The following KCNQ5 variants were observed in gnomAD, a reference collection of about 807,000 sequenced individuals.
KCNQ5 encodes the protein potassium voltage-gated channel subfamily Q member 5.
In KCNQ5, 30 loss-of-function variants were observed where a neutral mutation model predicts 98.2. The observed-to-expected ratio is 0.31, with a 90% CI of 0.23 to 0.41. The LOEUF is 0.41. Among genes scored for constraint, KCNQ5 ranks in the 10% least tolerant of loss-of-function variants. The probability of loss-of-function intolerance (pLI) is 1.00; values close to 1 mark genes in which losing one functional copy is unlikely to be tolerated. For synonymous variants in KCNQ5, 458 were observed against 449.4 expected (o/e 1.02, Z -0.24); for missense variants, 835 against 1,182.5 (o/e 0.71, Z 4.31).
intron 1 of KCNQ5, among the ~76,000 whole-genome samples, chr6:72,731,443 T>G (rs1216040592): frequency 6.6e-6 from 1 of 152,256 alleles, no homozygotes; most frequent in Admixed American, 6.5e-5. Context: ...TTTTCTCTCA[T>G]GTAAATGAGT....
intron 1 of KCNQ5, among the ~76,000 whole-genome samples, chr6:72,815,712 A>T (rs1775476821): frequency 6.6e-6 from 1 of 152,188 alleles, no homozygotes; most frequent in African/African-American, 2.4e-5. Flanking sequence ...CAGCTTAACT[A>T]TTGGGCAGTG....
At chr6:72,957,609 G>T (rs1205225086) in intron 1 of KCNQ5, among the ~76,000 whole-genome samples, 2 of 152,130 alleles carry the variant, frequency 1.3e-5, no homozygotes, top group Admixed American at 6.5e-5. Flanking sequence ...AGAACGGAGA[G>T]CCACTGGTCA....
chr6:73,171,057 A>G (rs796639446), intron 11 of KCNQ5, among the ~76,000 whole-genome samples: 39 of 152,346 alleles, frequency 2.6e-4, no homozygotes, highest in African/African-American at 9.1e-4. Context: ...ATTTGGCATC[A>G]TGTTAGACAT....
chr6:72,925,575 A>G (rs1765375606), intron 1 of KCNQ5, among the ~76,000 whole-genome samples: 1 of 152,202 alleles, frequency 6.6e-6, no homozygotes, highest in Non-Finnish European at 1.5e-5. Context: ...AGTATATAAT[A>G]CACTGGGGAT....
chr6:72,870,290 T>C (rs1778149921), intron 1 of KCNQ5, among the ~76,000 whole-genome samples: 1 of 152,126 alleles, frequency 6.6e-6, no homozygotes, highest in Non-Finnish European at 1.5e-5. Context: ...TTGTTTTGTT[T>C]TGGAGACAAG....
At chr6:73,128,836 A>T (rs891822078) in intron 9 of KCNQ5, among the ~76,000 whole-genome samples, 1 of 152,116 alleles carries the variant, frequency 6.6e-6, no homozygotes, top group Non-Finnish European at 1.5e-5. Context: ...GGCAAAAATG[A>T]TATTTTTATA....
At chr6:72,960,829 C>T (rs933954379) in intron 1 of KCNQ5, among the ~76,000 whole-genome samples, 4 of 152,236 alleles carry the variant, frequency 2.6e-5, no homozygotes, top group African/African-American at 9.6e-5. Flanking sequence ...ACTCAGGACC[C>T]TCTTGTCTTC....
chr6:73,111,002 T>A (rs1399467795), intron 6 of KCNQ5, among the ~76,000 whole-genome samples: 12 of 151,756 alleles, frequency 7.9e-5, no homozygotes, highest in Admixed American at 4.6e-4. Context: ...CACAAAAAAA[T>A]TTTATTGTGA....
chr6:72,666,646 A>C (rs1371518222), intron 1 of KCNQ5, among the ~76,000 whole-genome samples: 128 of 152,150 alleles, frequency 8.4e-4, no homozygotes, highest in Non-Finnish European at 1.3e-4. Context: ...ATTTACTCTA[A>C]AGTGATCTGA....
intron 1 of KCNQ5, among the ~76,000 whole-genome samples, chr6:72,822,227 T>C (rs1419530264): frequency 6.6e-6 from 1 of 152,170 alleles, no homozygotes; most frequent in Non-Finnish European, 1.5e-5. Context: ...CACCCCACCC[T>C]GCAACATCAA....
At chr6:73,142,165 A>G (rs1776744862) in intron 10 of KCNQ5, among the ~76,000 whole-genome samples, 1 of 152,176 alleles carries the variant, frequency 6.6e-6, no homozygotes, top group African/African-American at 2.4e-5. Context: ...CTTTTATGAC[A>G]TAAGCTCAGA....
At chr6:73,145,549 C>A (rs1311621951) in intron 10 of KCNQ5, among the ~76,000 whole-genome samples, 1 of 152,150 alleles carries the variant, frequency 6.6e-6, no homozygotes, top group Non-Finnish European at 1.5e-5. Flanking sequence ...TACAAATATT[C>A]TCTCCCTATA....
intron 1 of KCNQ5, among the ~76,000 whole-genome samples, chr6:72,726,349 T>C (rs1770276947): frequency 6.6e-6 from 1 of 152,010 alleles, no homozygotes; most frequent in African/African-American, 2.4e-5. Context: ...TAGCTGGGAC[T>C]ACAGGTGCCC....
chr6:72,785,755 G>A (rs1773707383), intron 1 of KCNQ5, among the ~76,000 whole-genome samples: 1 of 151,920 alleles, frequency 6.6e-6, no homozygotes, highest in South Asian at 2.1e-4. Context: ...CTTCCTCTCT[G>A]GCACCTGATT....
intron 1 of KCNQ5, among the ~76,000 whole-genome samples, chr6:72,962,182 A>AATATATATATATATATATATACATAT (rs369197941): frequency 1.5e-5 from 2 of 129,282 alleles, no homozygotes; most frequent in Non-Finnish European, 3.2e-5. Flanking sequence ...TGTTTCTCTA[A>AATATATATATATATATATATACATAT]ATATATATAT....
At chr6:72,769,035 A>C (rs1406954763) in intron 1 of KCNQ5, among the ~76,000 whole-genome samples, 1 of 152,078 alleles carries the variant, frequency 6.6e-6, no homozygotes, top group African/African-American at 2.4e-5. Context: ...CTTTGGCCCT[A>C]GCCCGGAAGT....
intron 1 of KCNQ5, among the ~76,000 whole-genome samples, chr6:72,819,343 T>C (rs1414382079): frequency 1.3e-5 from 2 of 152,082 alleles, no homozygotes; most frequent in Non-Finnish European, 2.9e-5. Flanking sequence ...AAATAAAGAA[T>C]TAAGTTATTA....
chr6:72,954,908 A>G (rs1766974233), intron 1 of KCNQ5, among the ~76,000 whole-genome samples: 1 of 152,244 alleles, frequency 6.6e-6, no homozygotes, highest in African/African-American at 2.4e-5. Context: ...ACAAGCTCAC[A>G]GCTCACACGG....
chr6:72,672,149 T>C (rs1213448543), intron 1 of KCNQ5, among the ~76,000 whole-genome samples: 1 of 149,510 alleles, frequency 6.7e-6, no homozygotes, highest in Non-Finnish European at 1.5e-5. Flanking sequence ...CAGAGTCTAC[T>C]CTATCACCCT....
Sources: allele counts gnomAD v4.1 joint callset (sites outside exome capture counted in the v4.1 genomes callset), GRCh38; gene constraint gnomAD v4.1.1; transcripts MANE v1.5; gene names NCBI Gene and HGNC (gene_info 2026-07-23, HGNC 2026-07-21).